Variants in PTPRM observed in about 807,000 individuals in gnomAD.
The protein encoded by PTPRM is receptor-type tyrosine-protein phosphatase mu.
Under a neutral mutation model 186.7 loss-of-function variants are expected in PTPRM, and 47 were observed. The ratio of observed to expected loss-of-function variants is 0.25; its 90% CI spans 0.20 to 0.32. The LOEUF is 0.32. Ranked by LOEUF, PTPRM falls within the 10% of genes least tolerant of loss-of-function variation. PTPRM has a pLI of 1.00. For missense variants in PTPRM, 1,494 were observed against 1,865.0 expected (o/e 0.80, Z 3.66); for synonymous variants, 668 against 674.9 (o/e 0.99, Z 0.16).
chr18:8,092,701 T>C (rs973222844), intron 11 of PTPRM, among the ~76,000 whole-genome samples: 1 of 152,088 alleles, frequency 6.6e-6, no homozygotes, highest in African/African-American at 2.4e-5. Context: ...TTATTGCTAA[T>C]GAAAGTCTGT....
intron 7 of PTPRM, among the ~76,000 whole-genome samples, chr18:8,051,955 C>A (rs921514044): frequency 2.6e-5 from 4 of 152,038 alleles, no homozygotes; most frequent in Non-Finnish European, 5.9e-5. Context: ...CTTTTCTATT[C>A]TCTTTCATTA....
intron 14 of PTPRM, among the ~76,000 whole-genome samples, chr18:8,164,554 G>T (rs1414408058): frequency 6.6e-6 from 1 of 152,188 alleles, no homozygotes; most frequent in Non-Finnish European, 1.5e-5. Context: ...CTACAACATG[G>T]ATCAGCCTTG....
At chr18:8,362,071 C>T (rs1253243103) in intron 23 of PTPRM, among the ~76,000 whole-genome samples, 1 of 152,084 alleles carries the variant, frequency 6.6e-6, no homozygotes, top group African/African-American at 2.4e-5. Flanking sequence ...TGTTATCCTG[C>T]CACCCCAGTC....
intron 19 of PTPRM, among the ~76,000 whole-genome samples, chr18:8,262,125 C>T (rs991827219): frequency 2.6e-5 from 4 of 152,154 alleles, no homozygotes; most frequent in African/African-American, 9.7e-5. Context: ...CATTTCCACA[C>T]CAGCAGGCTC....
chr18:8,251,537 T>C (rs1244268155), intron 17 of PTPRM: 1 of 152,236 alleles, frequency 6.6e-6, no homozygotes, highest in Non-Finnish European at 1.5e-5. Context: ...TTGCTAAATT[T>C]CAAAGCAAAT....
At chr18:8,187,017 T>A (rs2093651622) in intron 14 of PTPRM, among the ~76,000 whole-genome samples, 1 of 151,734 alleles carries the variant, frequency 6.6e-6, no homozygotes, top group Admixed American at 6.6e-5. Flanking sequence ...CTTGGCGCAC[T>A]GCAACCTCCA....
chr18:7,951,917 A>G (rs903761414), intron 6 of PTPRM, among the ~76,000 whole-genome samples: 1 of 152,196 alleles, frequency 6.6e-6, no homozygotes. Context: ...TAAAGTCCAT[A>G]GAGTTTTTAA....
At chr18:7,889,042 C>T (rs894375863) in intron 3 of PTPRM, among the ~76,000 whole-genome samples, 1 of 152,072 alleles carries the variant, frequency 6.6e-6, no homozygotes, top group African/African-American at 2.4e-5. Flanking sequence ...ATTAATCATA[C>T]CTCCAAACCT....
At chr18:8,007,305 T>TTTA (rs929789650) in intron 7 of PTPRM, among the ~76,000 whole-genome samples, 8 of 152,048 alleles carry the variant, frequency 5.3e-5, no homozygotes, top group African/African-American at 1.2e-4. Flanking sequence ...TGGAACATTC[T>TTTA]TTATTATTAT....
chr18:7,981,350 C>T (rs1187137827), intron 7 of PTPRM, among the ~76,000 whole-genome samples: 1 of 152,184 alleles, frequency 6.6e-6, no homozygotes, highest in Non-Finnish European at 1.5e-5. Flanking sequence ...AATGCACACA[C>T]AGCACCTAGC....
At chr18:7,652,303 TG>T (rs1447722625) in intron 1 of PTPRM, among the ~76,000 whole-genome samples, 1 of 152,122 alleles carries the variant, frequency 6.6e-6, no homozygotes, top group Non-Finnish European at 1.5e-5. Context: ...ACACTGTTGG[TG>T]GGACTGTAAA....
At chr18:7,894,623 T>A (rs971665113) in intron 3 of PTPRM, among the ~76,000 whole-genome samples, 1 of 151,766 alleles carries the variant, frequency 6.6e-6, no homozygotes, top group African/African-American at 2.4e-5. Context: ...TTTAATATTT[T>A]TTTTCCAGTA....
chr18:7,900,828 A>G (rs1026259921), intron 3 of PTPRM, among the ~76,000 whole-genome samples: 2 of 152,240 alleles, frequency 1.3e-5, no homozygotes, highest in African/African-American at 4.8e-5. Flanking sequence ...GGGACATGGA[A>G]GTATACAAAT....
intron 2 of PTPRM, among the ~76,000 whole-genome samples, chr18:7,880,060 C>G (rs2048427667): frequency 6.6e-6 from 1 of 152,128 alleles, no homozygotes; most frequent in South Asian, 2.1e-4. Flanking sequence ...ATAAAACCAT[C>G]AGATTTCATG....
chr18:7,695,197 C>T (rs1311870963), intron 1 of PTPRM, among the ~76,000 whole-genome samples: 1 of 152,320 alleles, frequency 6.6e-6, no homozygotes, highest in African/African-American at 2.4e-5. Context: ...AGTAAAATCA[C>T]TTATCAAGCA....
intron 14 of PTPRM, among the ~76,000 whole-genome samples, chr18:8,227,434 A>T (rs960233764): frequency 1.8e-4 from 27 of 151,988 alleles, no homozygotes; most frequent in Non-Finnish European, 2.8e-4. Context: ...AAGGTTTTTT[A>T]AAAAAAATTT....
At chr18:7,750,716 G>A (rs2041173735) in intron 1 of PTPRM, among the ~76,000 whole-genome samples, 1 of 152,064 alleles carries the variant, frequency 6.6e-6, no homozygotes, top group Non-Finnish European at 1.5e-5. Context: ...ATGACCACAG[G>A]TTACTTCATT....
At chr18:7,691,420 G>C (rs952557277) in intron 1 of PTPRM, among the ~76,000 whole-genome samples, 2 of 152,010 alleles carry the variant, frequency 1.3e-5, no homozygotes, top group African/African-American at 4.8e-5. Context: ...CACAGAGCCT[G>C]GTACATAATA....
At chr18:8,405,979 C>G in intron 32 of PTPRM, 130 bp from the exon 33 acceptor site, 3 of 837,340 alleles carry the variant, frequency 3.6e-6, no homozygotes, top group Non-Finnish European at 4.1e-6. Context: ...CCGTGACTTT[C>G]TGATTCATTT....
Sources: gnomAD v4.1 joint callset for allele counts (sites outside exome capture counted in the v4.1 genomes callset) on GRCh38, gnomAD v4.1.1 for gene constraint, MANE v1.5 for transcripts, NCBI Gene and HGNC (gene_info 2026-07-23, HGNC 2026-07-21) for gene names.